The following B3GAT1 variants were observed in gnomAD, a reference collection of about 807,000 sequenced individuals.
B3GAT1 encodes the protein beta-1,3-glucuronyltransferase 1, also known as galactosylgalactosylxylosylprotein 3-beta-glucuronosyltransferase 1.
B3GAT1 carries 11 observed loss-of-function variants against 28.4 expected under a neutral mutation model. The ratio of observed to expected loss-of-function variants is 0.39; its 90% CI spans 0.24 to 0.64. B3GAT1 has a LOEUF of 0.64. Among genes scored for constraint, B3GAT1 ranks in the 30% least tolerant of loss-of-function variants. B3GAT1 has a pLI of 0.50. For synonymous variants in B3GAT1, 255 were observed against 223.1 expected (o/e 1.14, Z -1.27); for missense variants, 375 against 491.0 (o/e 0.76, Z 2.23).
chr11:134,400,398 A>G (rs1214743114), intron 1 of B3GAT1, among the ~76,000 whole-genome samples: 1 of 152,228 alleles, frequency 6.6e-6, no homozygotes, highest in Non-Finnish European at 1.5e-5. Context: ...TAACTCTCAC[A>G]GGGCTACTTT....
chr11:134,404,607 C>T (rs1323301554), intron 1 of B3GAT1, among the ~76,000 whole-genome samples: 1 of 152,154 alleles, frequency 6.6e-6, no homozygotes, highest in East Asian at 1.9e-4. Flanking sequence ...ATGCACCTTC[C>T]TGGGAATCAC....
chr11:134,400,883 T>C (rs1001747208), intron 1 of B3GAT1, among the ~76,000 whole-genome samples: 25 of 152,132 alleles, frequency 1.6e-4, no homozygotes, highest in African/African-American at 5.1e-4. Flanking sequence ...CTACCAGGAA[T>C]TTAGACCATT....
rs1165399108 is a variant in B3GAT1 at position 134,387,630 on chromosome 11, G to A, written c.30C>T (p.Ile10=). The A allele has an allele frequency of 3.7e-6, 6 of 1,614,008 alleles. No individual in the cohort carries two copies. Among genetic ancestry groups the A allele is most frequent in the South Asian group, 1.1e-5 (1 of 91,090 alleles). Reference sequence around the variant, plus strand: ...GAGTCCAGGGCAGCACGATGAGGACGATCGCTAGGATGTCCCGTCTCTTCG... The same window carrying A: ...GAGTCCAGGGCAGCACGATGAGGACAATCGCTAGGATGTCCCGTCTCTTCG... MPKRRDILA[I]VLIVLPWTLL... The change falls in exon 2 of 6, where the codon ATC becomes ATT. Residue 10 remains isoleucine (I), a synonymous_variant. Transcript: ENST00000312527.
intron 1 of B3GAT1, among the ~76,000 whole-genome samples, chr11:134,399,465 G>A (rs113305321): frequency 1.4e-4 from 22 of 152,216 alleles, no homozygotes; most frequent in Admixed American, 4.6e-4. Flanking sequence ...CTCAGTGGGG[G>A]CCAGGCCCGT....
Position 134,393,322 on chromosome 11 carries a change from C to T in B3GAT1, c.-281-5382G>A, listed in dbSNP as rs1944445893. Among the ~76,000 whole-genome samples the T allele has an allele frequency of 6.6e-6, 1 of 152,218 alleles. No homozygotes were observed. Among genetic ancestry groups the T allele is most frequent in the South Asian group, 2.1e-4 (1 of 4,830 alleles). ...GATGTTTCCCCAGGACTGCACAATG[C>T]ATGCTAATTTTTCCCAAATCCGAAC... On this transcript the variant is annotated intron_variant, in intron 1 of 5. Transcript: ENST00000312527. This position sits in a 1 kb window ranked among gnomAD's most constrained non-coding sequence, Gnocchi z 4.0.
rs1944873329 is a variant in B3GAT1, at chr11:134,412,117, G to GAGGGGGGAGGTGGAGCGGGA, written c.-593_-592insTCCCGCTCCACCTCCCCCCT. 7.0e-6 allele frequency among the ~76,000 whole-genome samples: 1 copy of GAGGGGGGAGGTGGAGCGGGA among 143,302 alleles called. No individual in the cohort carries two copies. 94.0% of individuals were successfully genotyped at this position (143,302 alleles called of 152,430 possible). On this transcript the variant is annotated 5_prime_UTR_variant, in exon 1 of 6. Transcript: ENST00000312527. ...GCGGGGGGCGGGGAGGGGGAGCGGG[G>GAGGGGGGAGGTGGAGCGGGA]AGGGGGAGCGGGGAGCGGGCGCGGG...
chr11:134,386,519 C>CCCT, intron 2 of B3GAT1: 3 of 152,336 alleles, frequency 2.0e-5, no homozygotes, highest in Non-Finnish European at 4.4e-5. Context: ...GACCCAGAGC[C>CCCT]AGGGGAAAGG....
chr11:134,388,756 TG>T (rs1944349372), intron 1 of B3GAT1: 1 of 152,258 alleles, frequency 6.6e-6, no homozygotes, highest in African/African-American at 2.4e-5. Context: ...GGCCTCCAGC[TG>T]CATCCAGGCT....
At chr11:134,399,592 C>T (rs141079394) in intron 1 of B3GAT1, among the ~76,000 whole-genome samples, 33 of 152,340 alleles carry the variant, frequency 2.2e-4, no homozygotes, top group Non-Finnish European at 3.5e-4. Context: ...GGCTGCCCAG[C>T]AGTGGCAGAG....
Position 134,383,971 on chromosome 11 carries a change from C to A in B3GAT1, c.330G>T (p.Leu110=). The change falls in exon 3 of 6, where the codon CTG becomes CTT. Residue 110 remains leucine, a synonymous_variant. Transcript: ENST00000312527. ...AELTRMANTL[L]HVPNLHWLVV... ...CCAGCCAGTGGAGGTTGGGCACGTG[C>A]AGCAGCGTGTTGGCCATGCGCGTCA... The A allele has an allele frequency of 6.2e-7, 1 of 1,601,490 alleles. No homozygotes were observed.
intron 5 of B3GAT1, among the ~76,000 whole-genome samples, chr11:134,381,279 A>G (rs1477515992): frequency 1.3e-5 from 2 of 152,188 alleles, no homozygotes; most frequent in African/African-American, 4.8e-5. Flanking sequence ...CCTGTGGCCT[A>G]CTTCCAGAGA....
intron 1 of B3GAT1, among the ~76,000 whole-genome samples, chr11:134,401,096 T>C (rs1436157280): frequency 6.6e-6 from 1 of 152,166 alleles, no homozygotes; most frequent in Non-Finnish European, 1.5e-5. Flanking sequence ...AAACAACAGA[T>C]GCTGGCCAGG....
At chr11:134,398,066 A>G (rs1944538277) in intron 1 of B3GAT1, among the ~76,000 whole-genome samples, 1 of 152,146 alleles carries the variant, frequency 6.6e-6, no homozygotes, top group Non-Finnish European at 1.5e-5. Flanking sequence ...GGGGTTGAGT[A>G]TTCTGTTCTG....
At chr11:134,397,378 C>T (rs1011801874) in intron 1 of B3GAT1, among the ~76,000 whole-genome samples, 17 of 152,038 alleles carry the variant, frequency 1.1e-4, no homozygotes, top group African/African-American at 3.9e-4. Context: ...CCACCACTCC[C>T]ACCATGTCCC....
At chr11:134,398,232 C>T (rs760182274) in intron 1 of B3GAT1, among the ~76,000 whole-genome samples, 2 of 152,230 alleles carry the variant, frequency 1.3e-5, no homozygotes, top group African/African-American at 2.4e-5. Flanking sequence ...TTCACAGGCA[C>T]GTGTCTGCAC....
intron 3 of B3GAT1, 50 bp from the exon 4 acceptor site, chr11:134,383,056 G>A (rs563406434): frequency 7.4e-6 from 11 of 1,482,512 alleles, no homozygotes; most frequent in East Asian, 7.4e-5. Context: ...AGATGAGGAC[G>A]GCCGCGCGTG....
chr11:134,393,918 G>GAT lies in B3GAT1; in HGVS notation c.-281-5979_-281-5978insAT, dbSNP rs1944457235. On this transcript the variant is annotated intron_variant, in intron 1 of 5. Transcript: ENST00000312527. This position sits in a 1 kb window ranked among gnomAD's most constrained non-coding sequence, Gnocchi z 4.0. Reference sequence around the variant, plus strand: ...GGCTTTGTCCCACAGATCTCCAGGTGCCCCTAATGGGATCAGCGGATTAGT... The same window carrying GAT: ...GGCTTTGTCCCACAGATCTCCAGGTGATCCCCTAATGGGATCAGCGGATTAGT... Among the ~76,000 whole-genome samples the GAT allele has an allele frequency of 6.6e-6, 1 of 152,198 alleles. No individual in the cohort carries two copies. The highest frequency in any genetic ancestry group is 2.4e-5 in the African/African-American group (1 of 41,460).
chr11:134,381,409 G>A (rs1237959619), intron 5 of B3GAT1, among the ~76,000 whole-genome samples: 1 of 152,224 alleles, frequency 6.6e-6, no homozygotes, highest in Non-Finnish European at 1.5e-5. Flanking sequence ...GAAAAGTCAA[G>A]TCAGGTCAAA....
chr11:134,385,239 C>T (rs747225343), intron 2 of B3GAT1: 2 of 152,334 alleles, frequency 1.3e-5, no homozygotes, highest in Non-Finnish European at 1.5e-5. Flanking sequence ...TTCCTTCTGG[C>T]TTCAGGCAAT....
Sources: allele counts gnomAD v4.1 joint callset (sites outside exome capture counted in the v4.1 genomes callset), GRCh38; gene constraint gnomAD v4.1.1; non-coding constraint Gnocchi (gnomAD v3.1); transcripts MANE v1.5; gene names NCBI Gene and HGNC (gene_info 2026-07-23, HGNC 2026-07-21).